Variants in PROX1 observed in about 807,000 individuals in gnomAD.
PROX1 encodes the protein prospero homeobox 1, also known as prospero homeobox protein 1.
PROX1 carries 7 observed loss-of-function variants against 58.8 expected under a neutral mutation model. That is an observed-to-expected ratio of 0.12 (90% CI 0.07 to 0.22). The LOEUF is 0.22. PROX1 is among the 10% of genes least tolerant of loss of function. The pLI is 1.00. For missense variants in PROX1, 675 were observed against 927.8 expected, an observed-to-expected ratio of 0.73 and a Z score of 3.54; for synonymous variants, 350 against 358.3, an observed-to-expected ratio of 0.98 and a Z score of 0.26.
At chr1:213,998,604 T>G (rs942354664) in intron 2 of PROX1, among the ~76,000 whole-genome samples, 1 of 152,310 alleles carries the variant, frequency 6.6e-6, no homozygotes, top group Non-Finnish European at 1.5e-5. Context: ...GATTTAGAGA[T>G]GAGAAAACAG....
intron 4 of PROX1, among the ~76,000 whole-genome samples, chr1:214,027,800 A>T (rs1664510015): frequency 6.6e-6 from 1 of 151,912 alleles, no homozygotes; most frequent in Non-Finnish European, 1.5e-5. Flanking sequence ...TCCTTAAATT[A>T]ATGTTTACAG....
At chr1:214,030,753 T>C (rs1228602471) in intron 4 of PROX1, 3 of 152,176 alleles carry the variant, frequency 2.0e-5, no homozygotes, top group Non-Finnish European at 4.4e-5. Flanking sequence ...CCAAGAGCGT[T>C]TGGCAAGGTT....
intron 1 of PROX1, among the ~76,000 whole-genome samples, chr1:213,992,827 T>A (rs1461226534): frequency 1.3e-5 from 2 of 152,156 alleles, no homozygotes; most frequent in African/African-American, 4.8e-5. Context: ...CGAAATAACT[T>A]CTTTATTAAA....
chr1:213,999,082 C>G (rs1026964757), intron 2 of PROX1, among the ~76,000 whole-genome samples: 2 of 152,172 alleles, frequency 1.3e-5, no homozygotes, highest in Admixed American at 1.3e-4. Context: ...ATATAAAACT[C>G]AGCTGTATTC....
intron 3 of PROX1, among the ~76,000 whole-genome samples, chr1:214,006,984 G>GA (rs551679303): frequency 8.2e-4 from 125 of 152,322 alleles, no homozygotes; most frequent in African/African-American, 2.7e-3. Flanking sequence ...GTGGGAAACA[G>GA]CAGCCATTCT....
rs545400976 is a variant in PROX1 at position 214,008,684 on chromosome 1, G to A, written c.1834-2837G>A. ...AAATGCTTTTCAATTACCTTGGAAC[G>A]AAAGAGGTAGAGGGAAATCATACAA... On this transcript the variant is annotated intron_variant, in intron 3 of 4. Coordinates refer to ENST00000366958, the MANE Select transcript of PROX1 (RefSeq NM_001270616.2). Among the ~76,000 whole-genome samples the A allele has an allele frequency of 3.5e-3, 530 of 152,264 alleles. 1 individual carries two copies. Among genetic ancestry groups the A allele is most frequent in the Non-Finnish European group, 4.5e-3 (307 of 68,030 alleles).
Position 214,037,535 on chromosome 1 carries a change from A to C in PROX1, c.*1701A>C, listed in dbSNP as rs552610596. ...TGGACAGGAATGTATGAACTCAATT[A>C]TTGTCAGCACAAAGCCTTAAAACCT... On this transcript the variant is annotated 3_prime_UTR_variant, in exon 5 of 5. Coordinates refer to ENST00000366958, the MANE Select transcript of PROX1 (RefSeq NM_001270616.2). 3 of 152,354 alleles carry C rather than the reference A, an allele frequency of 2.0e-5. No individual in the cohort carries two copies. Among genetic ancestry groups the C allele is most frequent in the African/African-American group, 7.2e-5 (3 of 41,574 alleles). The allele number at this position is 152,354 out of a possible 1,614,324, so 9.4% of individuals were successfully genotyped here.
chr1:213,988,535 T>A (rs1325655627), intron 1 of PROX1, 52 bp downstream of exon 1: 1 of 152,344 alleles, frequency 6.6e-6, no homozygotes, highest in Non-Finnish European at 1.5e-5. Context: ...CCAGAATCAC[T>A]TGCACTGTCT....
intron 1 of PROX1, among the ~76,000 whole-genome samples, chr1:213,990,134 A>T (rs1423337155): frequency 2.0e-3 from 1 of 498 alleles, no homozygotes; most frequent in Non-Finnish European, 0.014. Context: ...TCCCTTATTT[A>T]AAAAAAAAAA....
intron 1 of PROX1, among the ~76,000 whole-genome samples, chr1:213,993,391 T>C (rs904771508): frequency 2.8e-4 from 42 of 152,188 alleles, no homozygotes; most frequent in African/African-American, 1.0e-3. Context: ...CATGATAGCT[T>C]AATACATATC....
Position 213,996,507 on chromosome 1 carries a change from T to C in PROX1, c.-29T>C, listed in dbSNP as rs1192399313. 1 of 1,587,520 alleles carries C rather than the reference T, an allele frequency of 6.3e-7. No homozygotes were observed. The highest frequency in any genetic ancestry group is 2.2e-5 in the East Asian group (1 of 44,480). On this transcript the variant is annotated 5_prime_UTR_variant, in exon 2 of 5. Coordinates refer to ENST00000366958, the MANE Select transcript of PROX1 (RefSeq NM_001270616.2). ...TTGAGCTGTGCCCAGCTGACGAGCT[T>C]TTGAAGATGGCACAATAACCGTCCA...
upstream of PROX1, chr1:213,984,928 C>T (rs546172992): frequency 1.3e-5 from 2 of 152,384 alleles, no homozygotes; most frequent in South Asian, 4.1e-4. Flanking sequence ...CTCCTGCCCC[C>T]ACCTAACAGC....
At chr1:214,015,483 T>C (rs1664060212) in intron 4 of PROX1, among the ~76,000 whole-genome samples, 1 of 152,162 alleles carries the variant, frequency 6.6e-6, no homozygotes, top group African/African-American at 2.4e-5. Flanking sequence ...TAAATCATAC[T>C]GATACTTGTG....
chr1:213,986,984 T>A (rs1256084904), upstream of PROX1, among the ~76,000 whole-genome samples: 1 of 152,256 alleles, frequency 6.6e-6, no homozygotes, highest in Non-Finnish European at 1.5e-5. Flanking sequence ...TGAAATTTCT[T>A]GCCTAATAAA....
chr1:214,009,567 T>C (rs1244639365), intron 3 of PROX1, among the ~76,000 whole-genome samples: 1 of 152,190 alleles, frequency 6.6e-6, no homozygotes, highest in Non-Finnish European at 1.5e-5. Context: ...GTCATTTCGC[T>C]TGCCTCATGT....
chr1:214,029,813 T>A (rs1571843054), intron 4 of PROX1: 1 of 151,572 alleles, frequency 6.6e-6, no homozygotes, highest in Admixed American at 6.6e-5. Flanking sequence ...GGCTGGGGGG[T>A]GGCTGGGGAG....
chr1:213,995,308 G>A (rs1035494279), intron 1 of PROX1, among the ~76,000 whole-genome samples: 1 of 152,166 alleles, frequency 6.6e-6, no homozygotes, highest in Non-Finnish European at 1.5e-5. Flanking sequence ...ACAATGTCAA[G>A]TGCCTTTTAT....
chr1:214,005,447 G>T (rs1247419438), intron 3 of PROX1, among the ~76,000 whole-genome samples, 175 bp downstream of exon 3: 1 of 152,198 alleles, frequency 6.6e-6, no homozygotes, highest in Non-Finnish European at 1.5e-5. Context: ...GATGCCACTT[G>T]TGTATTAAGA....
At chr1:214,005,075 C>G (rs573186173) in intron 2 of PROX1, 90 bp from the exon 3 acceptor site, 2 of 1,017,744 alleles carry the variant, frequency 2.0e-6, no homozygotes, top group East Asian at 2.4e-5. Flanking sequence ...TTGATGGACC[C>G]CCAGACTCTA....
Sources: gnomAD v4.1 joint callset for allele counts (sites outside exome capture counted in the v4.1 genomes callset) on GRCh38, gnomAD v4.1.1 for gene constraint, MANE v1.5 for transcripts, NCBI Gene and HGNC (gene_info 2026-07-23, HGNC 2026-07-21) for gene names.